The following SH3BP5 variants were observed in gnomAD, a reference collection of about 807,000 sequenced individuals.
The protein encoded by SH3BP5 is SH3 domain binding protein 5.
SH3BP5 carries 22 observed loss-of-function variants against 43.3 expected under a neutral mutation model. That is an observed-to-expected ratio of 0.51 (90% confidence interval 0.36 to 0.73). The LOEUF (loss-of-function observed/expected upper bound fraction) is 0.73, where lower values mean the gene tolerates loss of function less well. Ranked by LOEUF, SH3BP5 falls within the 30% of genes least tolerant of loss-of-function variation. SH3BP5 has a pLI of 0.00. For missense variants in SH3BP5, 529 were observed against 586.9 expected, an observed-to-expected ratio of 0.90 and a Z score of 1.02; for synonymous variants, 255 against 225.8, an observed-to-expected ratio of 1.13 and a Z score of -1.16.
At chr3:15,296,694 C>CTTTT (rs370273754) in intron 3 of SH3BP5, among the ~76,000 whole-genome samples, 2,180 of 124,836 alleles carry the variant, frequency 0.017, 200 homozygotes, top group African/African-American at 0.071. Flanking sequence ...AGTGTTTTTC[C>CTTTT]TTTTTTTTTT....
At chr3:15,257,396 G>C in intron 7 of SH3BP5, 1 of 353,916 alleles carries the variant, frequency 2.8e-6, no homozygotes, top group Non-Finnish European at 5.2e-6. Flanking sequence ...CCTAAAAATG[G>C]AAGATTAATT....
At chr3:15,259,123 A>C in intron 6 of SH3BP5, 73 bp from the exon 7 acceptor site, 2 of 1,238,140 alleles carry the variant, frequency 1.6e-6, no homozygotes, top group South Asian at 2.5e-5. Context: ...TGACAGGTTC[A>C]AGTACATTTT....
intron 3 of SH3BP5, among the ~76,000 whole-genome samples, chr3:15,270,948 T>C (rs894202566): frequency 6.7e-6 from 1 of 149,506 alleles, no homozygotes; most frequent in Non-Finnish European, 1.5e-5. Context: ...AAAAAGTGAT[T>C]AATCCCAATT....
chr3:15,274,512 G>A (rs1696908693), intron 3 of SH3BP5, among the ~76,000 whole-genome samples: 1 of 152,008 alleles, frequency 6.6e-6, no homozygotes, highest in East Asian at 1.9e-4. Context: ...TTGGTTGTCT[G>A]AGACTGAATC....
intron 1 of SH3BP5, among the ~76,000 whole-genome samples, chr3:15,338,212 G>A (rs982662024): frequency 1.3e-5 from 2 of 152,016 alleles, no homozygotes; most frequent in Non-Finnish European, 2.9e-5. Flanking sequence ...GTGTGGTGGT[G>A]TGCACCTGTA....
chr3:15,290,832 T>C (rs1175456865), intron 3 of SH3BP5, among the ~76,000 whole-genome samples: 1 of 152,066 alleles, frequency 6.6e-6, no homozygotes, highest in Non-Finnish European at 1.5e-5. Context: ...CCCATGCCCA[T>C]GAAAGTTTTA....
intron 3 of SH3BP5, among the ~76,000 whole-genome samples, chr3:15,296,366 A>ACACACACACC (rs1553616960): frequency 5.3e-5 from 8 of 151,442 alleles, no homozygotes; most frequent in African/African-American, 2.0e-4. Context: ...ACACACACAC[A>ACACACACACC]CACCCCTATC....
At chr3:15,286,103 CG>C (rs1158432737) in intron 3 of SH3BP5, among the ~76,000 whole-genome samples, 1 of 152,230 alleles carries the variant, frequency 6.6e-6, no homozygotes. Flanking sequence ...CTGCAGCCGG[CG>C]GGCCCTGGCC....
chr3:15,288,435 A>C (rs920458551), intron 3 of SH3BP5, among the ~76,000 whole-genome samples: 1 of 152,210 alleles, frequency 6.6e-6, no homozygotes, highest in African/African-American at 2.4e-5. Flanking sequence ...GGAGGGATGG[A>C]GGTTTCAGGA....
chr3:15,330,993 TG>T (rs142220916), intron 1 of SH3BP5, among the ~76,000 whole-genome samples: 8,088 of 151,440 alleles, frequency 0.053, 268 homozygotes, highest in African/African-American at 0.091. Context: ...GGCAGAATTC[TG>T]GTATTAACTC....
intron 3 of SH3BP5, among the ~76,000 whole-genome samples, chr3:15,281,200 A>AT (rs1258469258): frequency 6.6e-6 from 1 of 152,088 alleles, no homozygotes; most frequent in Non-Finnish European, 1.5e-5. Flanking sequence ...TAATTTTTGT[A>AT]TTTTTAGTAG....
At chr3:15,306,445 C>T (rs1697908702) in intron 2 of SH3BP5, among the ~76,000 whole-genome samples, 1 of 152,002 alleles carries the variant, frequency 6.6e-6, no homozygotes, top group South Asian at 2.1e-4. Flanking sequence ...AAGGTTGAGG[C>T]CGCAGTGAGC....
intron 3 of SH3BP5, among the ~76,000 whole-genome samples, chr3:15,281,111 A>T (rs1697116797): frequency 6.6e-6 from 1 of 152,206 alleles, no homozygotes; most frequent in South Asian, 2.1e-4. Flanking sequence ...GGAGCATAGG[A>T]GTGGAGAGGT....
chr3:15,259,121 TC>T, intron 6 of SH3BP5, 71 bp from the exon 7 acceptor site: 1 of 1,236,330 alleles, frequency 8.1e-7, no homozygotes, highest in Non-Finnish European at 1.2e-6. Context: ...AATGACAGGT[TC>T]AAGTACATTT....
chr3:15,293,186 G>C (rs934554007), intron 3 of SH3BP5, among the ~76,000 whole-genome samples: 2 of 152,240 alleles, frequency 1.3e-5, no homozygotes, highest in African/African-American at 4.8e-5. Context: ...ACTCTGCTTT[G>C]AGACAGATGC....
intron 2 of SH3BP5, among the ~76,000 whole-genome samples, chr3:15,306,338 G>A (rs543368855): frequency 6.8e-4 from 104 of 152,244 alleles, no homozygotes; most frequent in South Asian, 5.2e-3. Flanking sequence ...CAGCCTGGGA[G>A]ACAGAGCGAG....
chr3:15,274,059 C>T (rs1479918059), intron 3 of SH3BP5, among the ~76,000 whole-genome samples: 1 of 152,154 alleles, frequency 6.6e-6, no homozygotes, highest in Admixed American at 6.5e-5. Flanking sequence ...GCCTGCCCAA[C>T]ATGGTGAAAC....
chr3:15,273,017 G>A (rs1696861361), intron 3 of SH3BP5: 2 of 463,656 alleles, frequency 4.3e-6, no homozygotes, highest in Non-Finnish European at 5.7e-6. Context: ...CAGCCCTGCA[G>A]GGCCTCCGCA....
At chr3:15,305,650 A>G (rs568471699) in intron 2 of SH3BP5, among the ~76,000 whole-genome samples, 1 of 152,292 alleles carries the variant, frequency 6.6e-6, no homozygotes, top group South Asian at 2.1e-4. Context: ...GAAAATACTG[A>G]GTCCCAAGCA....
Sources: allele counts gnomAD v4.1 joint callset (sites outside exome capture counted in the v4.1 genomes callset), GRCh38; gene constraint gnomAD v4.1.1; transcripts MANE v1.5; gene names NCBI Gene and HGNC (gene_info 2026-07-23, HGNC 2026-07-21).